FOXN3: variants seen among roughly 807,000 people sequenced by gnomAD.
The protein encoded by FOXN3 is forkhead box protein N3.
In FOXN3, 7 loss-of-function variants were observed where a neutral mutation model predicts 38.4. The observed-to-expected ratio is 0.18, with a 90% CI of 0.10 to 0.34. The LOEUF is 0.34. FOXN3 is among the 10% of genes least tolerant of loss of function. The pLI is 1.00. For missense variants in FOXN3, 456 were observed against 613.4 expected (o/e 0.74, Z 2.71); for synonymous variants, 230 against 242.2 (o/e 0.95, Z 0.47).
chr14:89,555,332 TG>T (rs1895095256), intron 1 of FOXN3, among the ~76,000 whole-genome samples: 2 of 152,298 alleles, frequency 1.3e-5, no homozygotes, highest in Non-Finnish European at 1.5e-5. Flanking sequence ...CGTGAAGAAA[TG>T]TATCAACTTA....
At chr14:89,421,507 A>T (rs951976421), upstream of FOXN3, among the ~76,000 whole-genome samples, 6 of 145,406 alleles carry the variant, frequency 4.1e-5, no homozygotes, top group South Asian at 1.3e-3. Context: ...CAATTGGTTT[A>T]TGGTGTTTCC....
chr14:89,173,910 T>C (rs1213764618), intron 5 of FOXN3, among the ~76,000 whole-genome samples: 2 of 152,238 alleles, frequency 1.3e-5, no homozygotes, highest in African/African-American at 2.4e-5. Context: ...GTAGGATCAC[T>C]TGAGCCCGGG....
rs1377858415 is a variant in FOXN3, at chr14:89,158,479, C to T, written c.*3935G>A. On this transcript the variant is annotated 3_prime_UTR_variant, in exon 6 of 6. Coordinates refer to ENST00000557258, the MANE Select transcript of FOXN3 (RefSeq NM_005197.4). ...TCCCAAGATTGAGACCTGCCACAAT[C>T]GTTTTGGCCATGGTTTTCTCCAACC... 6.6e-6 allele frequency: 1 copy of T among 152,626 alleles called. No individual in the cohort carries two copies. The highest frequency in any genetic ancestry group is 1.9e-4 in the East Asian group (1 of 5,190). The allele number at this position is 152,626 out of a possible 1,614,324, so 9.5% of individuals were successfully genotyped here.
At chr14:89,554,246 T>C (rs772992274) in intron 1 of FOXN3, among the ~76,000 whole-genome samples, 1 of 152,058 alleles carries the variant, frequency 6.6e-6, no homozygotes, top group Non-Finnish European at 1.5e-5. Flanking sequence ...GTGATCCGCC[T>C]TCCTCGGCCT....
rs1481298307 is a variant in FOXN3 at position 89,191,973 on chromosome 14, T to TATATATATATATATATATATATAA, written c.746-11168_746-11167insTTATATATATATATATATATATAT. Among the ~76,000 whole-genome samples, 98 of 135,114 alleles carry TATATATATATATATATATATATAA rather than the reference T, an allele frequency of 7.3e-4. 4 individuals carry two copies. Among genetic ancestry groups the TATATATATATATATATATATATAA allele is most frequent in the African/African-American group, 3.0e-3 (96 of 31,626 alleles). 88.6% of individuals were successfully genotyped at this position (135,114 alleles called of 152,430 possible). ...GTATATATATATATACACATATATA[T>TATATATATATATATATATATATAA]AACTATAATATATAATATATATTAG... On this transcript the variant is annotated intron_variant, in intron 4 of 5. Coordinates refer to ENST00000557258, the MANE Select transcript of FOXN3 (RefSeq NM_005197.4).
At chr14:89,251,667 G>A (rs971349419) in intron 4 of FOXN3, among the ~76,000 whole-genome samples, 8 of 152,060 alleles carry the variant, frequency 5.3e-5, no homozygotes, top group Admixed American at 2.6e-4. Flanking sequence ...GTTTTCCTTC[G>A]ATATAAAGAT....
chr14:89,561,563 C>A (rs1350585432), intron 1 of FOXN3, among the ~76,000 whole-genome samples: 1 of 152,174 alleles, frequency 6.6e-6, no homozygotes, highest in Non-Finnish European at 1.5e-5. Context: ...GGAGGGAGGT[C>A]TTCCAAAAAT....
chr14:89,543,709 C>T (rs954029276), intron 1 of FOXN3, among the ~76,000 whole-genome samples: 7 of 152,100 alleles, frequency 4.6e-5, no homozygotes, highest in East Asian at 1.9e-4. Flanking sequence ...GGATTAAAAC[C>T]GAATAAAAAT....
At chr14:89,501,598 T>C (rs1596299237) in intron 1 of FOXN3, among the ~76,000 whole-genome samples, 1 of 152,186 alleles carries the variant, frequency 6.6e-6, no homozygotes, top group East Asian at 1.9e-4. Flanking sequence ...CCATTCCACA[T>C]GCATCCATCA....
At position 89,373,611 on chromosome 14, in the gene FOXN3, T is replaced by A. The variant is rs150305598; in HGVS notation, c.544-22803A>T. On this transcript the variant is annotated intron_variant, in intron 2 of 5. Transcript: ENST00000557258. ...ACTAATGTCTATGCCCTCTAACTAA[T>A]ACGTTAGCTCTATGAAGTTAGGGGC... Among the ~76,000 whole-genome samples, 546 of 152,326 alleles carry A rather than the reference T, an allele frequency of 3.6e-3. 3 individuals carry two copies. Among genetic ancestry groups the A allele is most frequent in the African/African-American group, 0.012 (517 of 41,558 alleles).
chr14:89,530,369 G>C (rs1275468935), intron 1 of FOXN3, among the ~76,000 whole-genome samples: 27 of 152,172 alleles, frequency 1.8e-4, no homozygotes, highest in Admixed American at 1.6e-3. Context: ...GCAGGCAAGA[G>C]AGCATGATCG....
intron 2 of FOXN3, among the ~76,000 whole-genome samples, chr14:89,390,748 C>G (rs981545146): frequency 6.6e-6 from 1 of 152,172 alleles, no homozygotes; most frequent in African/African-American, 2.4e-5. Flanking sequence ...AGTCCCTTGC[C>G]CTCCCCTGCA....
chr14:89,577,125 G>A (rs1280656232), intron 1 of FOXN3: 1 of 152,330 alleles, frequency 6.6e-6, no homozygotes, highest in Non-Finnish European at 1.5e-5. Context: ...GAAGACCCAC[G>A]TGTAGCCACA....
At chr14:89,385,499 T>TAAAAAAAAAAAAA (rs10681650) in intron 2 of FOXN3, among the ~76,000 whole-genome samples, 1 of 108,836 alleles carries the variant, frequency 9.2e-6, no homozygotes, top group South Asian at 3.8e-4. Context: ...GGCAAACATT[T>TAAAAAAAAAAAAA]AAAAAAAAAA....
At chr14:89,413,457 A>C (rs1891598344) in intron 1 of FOXN3, among the ~76,000 whole-genome samples, 1 of 151,884 alleles carries the variant, frequency 6.6e-6, no homozygotes, top group Non-Finnish European at 1.5e-5. Flanking sequence ...AACATGGCGA[A>C]ACCCCATCTC....
chr14:89,511,207 C>CTTTTCTTTCT (rs1894067948), intron 1 of FOXN3, among the ~76,000 whole-genome samples: 1 of 12,290 alleles, frequency 8.1e-5, no homozygotes, highest in African/African-American at 1.4e-4. Context: ...TCTTTCTTTT[C>CTTTTCTTTCT]TTTCTTTCTT....
chr14:89,562,214 C>T (rs1566700835), intron 1 of FOXN3, among the ~76,000 whole-genome samples: 2 of 152,058 alleles, frequency 1.3e-5, no homozygotes, highest in Non-Finnish European at 2.9e-5. Context: ...TCCAAGTTGT[C>T]GTCTGCAGGG....
chr14:89,464,785 C>T (rs1393780871), intron 1 of FOXN3, among the ~76,000 whole-genome samples: 1 of 152,132 alleles, frequency 6.6e-6, no homozygotes, highest in Admixed American at 6.5e-5. Context: ...GCAACCTCCA[C>T]CTCCGGGGCT....
At chr14:89,500,771 C>T (rs1446138465) in intron 1 of FOXN3, among the ~76,000 whole-genome samples, 2 of 152,192 alleles carry the variant, frequency 1.3e-5, no homozygotes, top group African/African-American at 4.8e-5. Flanking sequence ...GCAGCCATCC[C>T]GCAGTTTGTC....
Sources: allele counts gnomAD v4.1 joint callset (sites outside exome capture counted in the v4.1 genomes callset), GRCh38; gene constraint gnomAD v4.1.1; transcripts MANE v1.5; gene names NCBI Gene and HGNC (gene_info 2026-07-23, HGNC 2026-07-21).